PTPRA: variants seen among roughly 807,000 people sequenced by gnomAD.
PTPRA encodes protein tyrosine phosphatase receptor type A.
Under a neutral mutation model 104.8 loss-of-function variants are expected in PTPRA, and 25 were observed. That is an observed-to-expected ratio of 0.24 (90% CI 0.17 to 0.33). PTPRA has a LOEUF of 0.33. Ranked by LOEUF, PTPRA falls within the 10% of genes least tolerant of loss-of-function variation. The pLI is 1.00. For missense variants in PTPRA, 765 were observed against 1,015.3 expected, an observed-to-expected ratio of 0.75 and a Z score of 3.35; for synonymous variants, 323 against 368.9, an observed-to-expected ratio of 0.88 and a Z score of 1.43.
intron 11 of PTPRA, among the ~76,000 whole-genome samples, chr20:3,013,952 G>A (rs906758787): frequency 3.9e-5 from 6 of 152,144 alleles, no homozygotes; most frequent in Non-Finnish European, 7.4e-5. Context: ...GGCATATGAC[G>A]CACTCCTGGT....
rs137916124 is a variant in PTPRA, at chr20:3,038,135, C to T, written c.*2C>T. ...TCAGATTATGCCAACTTCAAGTAAG[C>T]GGCAACAAGGGTCCGTGGACCAGGA... On this transcript the variant is annotated 3_prime_UTR_variant, in exon 24 of 24. Coordinates refer to ENST00000399903, the MANE Select transcript of PTPRA (RefSeq NM_001385305.1). 1.6e-5 allele frequency: 26 copies of T among 1,606,520 alleles called. No individual in the cohort carries two copies. Among genetic ancestry groups the T allele is most frequent in the African/African-American group, 1.1e-4 (8 of 74,850 alleles).
chr20:2,870,919 G>C (rs746618879), upstream of PTPRA, among the ~76,000 whole-genome samples: 3 of 152,190 alleles, frequency 2.0e-5, no homozygotes, highest in Non-Finnish European at 4.4e-5. Context: ...CCCTTCCTCA[G>C]TTCTCTTCTC....
chr20:2,950,360 C>T lies in PTPRA; in HGVS notation c.-7+2336C>T, dbSNP rs995303216. Among the ~76,000 whole-genome samples the T allele has an allele frequency of 3.3e-5, 5 of 151,892 alleles. No individual in the cohort carries two copies. The highest frequency in any genetic ancestry group is 5.9e-5 in the Non-Finnish European group (4 of 67,956). ...TGATTTATAATATTAACTTGTGGGC[C>T]AGGCGTCGTGGCTCACACCTGTAAT... On this transcript the variant is annotated intron_variant, in intron 3 of 23. Coordinates refer to ENST00000399903, the MANE Select transcript of PTPRA (RefSeq NM_001385305.1). The surrounding 1 kb of genome is among the most constrained non-coding windows in gnomAD (Gnocchi z 4.0).
intron 11 of PTPRA, among the ~76,000 whole-genome samples, chr20:3,009,702 G>A (rs1027361923): frequency 6.6e-6 from 1 of 152,156 alleles, no homozygotes; most frequent in African/African-American, 2.4e-5. Context: ...GTAATCAGCA[G>A]GAATTCCTAG....
intron 5 of PTPRA, among the ~76,000 whole-genome samples, chr20:2,968,729 C>T (rs189622089): frequency 6.6e-6 from 1 of 152,020 alleles, no homozygotes; most frequent in African/African-American, 2.4e-5. Context: ...GCCTAAGCAT[C>T]GCAGCAAAAC....
At chr20:2,938,642 G>C (rs570993909) in intron 2 of PTPRA, among the ~76,000 whole-genome samples, 21 of 151,638 alleles carry the variant, frequency 1.4e-4, no homozygotes, top group African/African-American at 4.6e-4. Flanking sequence ...TTTCTCTCTT[G>C]TACAGACTGG....
Position 3,007,426 on chromosome 20 carries a change from G to A in PTPRA, c.906+6G>A, listed in dbSNP as rs779772462. ...TCAATGCTTCATTCATCAACGTAAG[G>A]ATCGGGTGCTTTCCCTGTCACTTCC... On this transcript the variant is annotated splice_donor_region_variant and intron_variant, in intron 11 of 23. Coordinates refer to ENST00000399903, the MANE Select transcript of PTPRA (RefSeq NM_001385305.1). 2 of 1,612,898 alleles carry A rather than the reference G, an allele frequency of 1.2e-6. No individual in the cohort carries two copies. The highest frequency in any genetic ancestry group is 1.7e-5 in the Admixed American group (1 of 59,990).
chr20:3,000,958 A>G (rs8124141), intron 9 of PTPRA, among the ~76,000 whole-genome samples: 24,454 of 152,172 alleles, frequency 0.16, 2,424 homozygotes, highest in South Asian at 0.31. Context: ...AAATTATGTG[A>G]TGGATACTTT....
At chr20:2,935,523 G>T (rs963732512) in intron 2 of PTPRA, among the ~76,000 whole-genome samples, 6 of 152,048 alleles carry the variant, frequency 3.9e-5, no homozygotes, top group African/African-American at 1.4e-4. Context: ...ATATCCAATA[G>T]GGGGAATTAC....
chr20:3,024,751 C>A, intron 17 of PTPRA, 130 bp downstream of exon 17: 1 of 1,124,362 alleles, frequency 8.9e-7, no homozygotes, highest in Non-Finnish European at 1.3e-6. Flanking sequence ...AGGAGATGGT[C>A]CTTTCCTCGT....
At chr20:2,937,479 A>G (rs997521588) in intron 2 of PTPRA, among the ~76,000 whole-genome samples, 1 of 152,152 alleles carries the variant, frequency 6.6e-6, no homozygotes, top group Non-Finnish European at 1.5e-5. Flanking sequence ...TACAAGGAGA[A>G]CCACTTCAGG....
chr20:3,006,245 A>G (rs1482994271), intron 10 of PTPRA, among the ~76,000 whole-genome samples: 5 of 152,148 alleles, frequency 3.3e-5, no homozygotes, highest in African/African-American at 7.2e-5. Context: ...CTGGGGTGCA[A>G]TGATGTGATC....
intron 2 of PTPRA, among the ~76,000 whole-genome samples, chr20:2,930,181 G>T (rs1178041): frequency 6.6e-6 from 1 of 152,050 alleles, no homozygotes; most frequent in African/African-American, 2.4e-5. Flanking sequence ...TGCAGCATTT[G>T]GTAAATTATT....
chr20:2,880,748 C>T (rs619498), intron 1 of PTPRA, among the ~76,000 whole-genome samples: 63,558 of 151,956 alleles, frequency 0.42, 14,164 homozygotes, highest in African/African-American at 0.56. Context: ...CCCAGCTGCA[C>T]GGTGGCTCAC....
chr20:2,905,052 C>A (rs1382351829), intron 1 of PTPRA, among the ~76,000 whole-genome samples: 1 of 152,184 alleles, frequency 6.6e-6, no homozygotes, highest in Non-Finnish European at 1.5e-5. Flanking sequence ...GCTCTGCCTC[C>A]TGTCAGATCA....
upstream of PTPRA, among the ~76,000 whole-genome samples, chr20:2,871,671 G>A (rs2089432211): frequency 6.6e-6 from 1 of 152,180 alleles, no homozygotes; most frequent in South Asian, 2.1e-4. Flanking sequence ...CTTGTTAGGG[G>A]TTTTCACACT....
intron 2 of PTPRA, among the ~76,000 whole-genome samples, chr20:2,945,356 GT>G: frequency 6.6e-6 from 1 of 152,220 alleles, no homozygotes; most frequent in East Asian, 1.9e-4. Context: ...GAGGATTTAC[GT>G]TTGTTTCTAG....
At chr20:3,020,414 T>TC (rs1407318948) in intron 13 of PTPRA, among the ~76,000 whole-genome samples, 2 of 152,166 alleles carry the variant, frequency 1.3e-5, no homozygotes, top group Non-Finnish European at 2.9e-5. Context: ...GGAGCTTTTT[T>TC]CCCCTGGTTT....
At position 3,035,447 on chromosome 20, in the gene PTPRA, A is replaced by C; in HGVS notation, c.1921-138A>C. ...GAATGATGTGATATAATGATCCTGC[A>C]AGTTTTCAATACCTTGGGGACGAAG... On this transcript the variant is annotated intron_variant, in intron 20 of 23. Coordinates refer to ENST00000399903, the MANE Select transcript of PTPRA (RefSeq NM_001385305.1). The surrounding 1 kb of genome is among the most constrained non-coding windows in gnomAD (Gnocchi z 5.8). The C allele has an allele frequency of 2.0e-6, 2 of 989,892 alleles. No homozygotes were observed. The highest frequency in any genetic ancestry group is 2.9e-6 in the Non-Finnish European group (2 of 678,776). The allele number at this position is 989,892 out of a possible 1,614,324, so 61.3% of individuals were successfully genotyped here.
Sources: gnomAD v4.1 joint callset for allele counts (sites outside exome capture counted in the v4.1 genomes callset) on GRCh38, gnomAD v4.1.1 for gene constraint, Gnocchi (gnomAD v3.1) non-coding constraint, MANE v1.5 for transcripts, NCBI Gene and HGNC (gene_info 2026-07-23, HGNC 2026-07-21) for gene names.